TRPC1: variants seen among roughly 807,000 people sequenced by gnomAD.
TRPC1 encodes the protein short transient receptor potential channel 1.
TRPC1 carries 42 observed loss-of-function variants against 88.2 expected under a neutral mutation model. The observed-to-expected ratio is 0.48, with a 90% confidence interval of 0.37 to 0.62. TRPC1 has a LOEUF of 0.62. TRPC1 is among the 20% of genes least tolerant of loss of function. The pLI, the probability that TRPC1 is intolerant of heterozygous loss-of-function variation, is 0.00. For missense variants in TRPC1, 699 were observed against 957.3 expected (o/e 0.73, Z 3.56); for synonymous variants, 288 against 331.8 (o/e 0.87, Z 1.43).
chr3:142,738,982 A>AT lies in TRPC1; in HGVS notation c.327+2455dup, dbSNP rs201710456. 9.3e-3 allele frequency among the ~76,000 whole-genome samples: 1,421 copies of AT among 152,038 alleles called. 29 individuals are homozygous for AT. Among genetic ancestry groups the AT allele is most frequent in the African/African-American group, 0.033 (1,358 of 41,490 alleles). ...AGTTAGATATTATTTTATTATTATT[A>AT]TTTTTTGAGATGGAGTTTCGCTCTT... On this transcript the variant is annotated intron_variant, in intron 2 of 12. Transcript: ENST00000476941.
In TRPC1 at chr3:142,807,157, T is replaced by A. The variant is rs1171603484; in HGVS notation, c.*922T>A. On this transcript the variant is annotated 3_prime_UTR_variant, in exon 13 of 13. Coordinates refer to ENST00000476941, the MANE Select transcript of TRPC1 (RefSeq NM_001251845.2). ...GGAGACACTTTTTTATCACATGTAG[T>A]CACAACCTGTTTTGTTTTTGTAAAA... The A allele has an allele frequency of 6.6e-6, 1 of 152,142 alleles. No homozygotes were observed. Among genetic ancestry groups the A allele is most frequent in the Non-Finnish European group, 1.5e-5 (1 of 68,008 alleles). The allele number at this position is 152,142 out of a possible 1,614,324, so 9.4% of individuals were successfully genotyped here. A position where few individuals can be genotyped will look rare whatever the true frequency, so the allele number is the denominator to read the frequency against.
At chr3:142,787,586 T>A (rs1254039591) in intron 7 of TRPC1, among the ~76,000 whole-genome samples, 1 of 152,214 alleles carries the variant, frequency 6.6e-6, no homozygotes, top group East Asian at 1.9e-4. Flanking sequence ...ATGGCTATTA[T>A]AGAAATGTAT....
intron 7 of TRPC1, among the ~76,000 whole-genome samples, chr3:142,786,321 A>G (rs1343799232): frequency 1.3e-5 from 2 of 152,128 alleles, no homozygotes; most frequent in Admixed American, 6.5e-5. Flanking sequence ...TTATTTCACA[A>G]TGTTCAATTT....
At chr3:142,773,472 T>C (rs1422909377) in intron 4 of TRPC1, among the ~76,000 whole-genome samples, 2 of 151,786 alleles carry the variant, frequency 1.3e-5, no homozygotes, top group East Asian at 3.9e-4. Context: ...CAATGTCATG[T>C]CAAATAGAGA....
chr3:142,726,124 C>G (rs1165271586), intron 1 of TRPC1, among the ~76,000 whole-genome samples: 1 of 152,094 alleles, frequency 6.6e-6, no homozygotes, highest in Non-Finnish European at 1.5e-5. Flanking sequence ...GTTCTCTTCC[C>G]TCAAAAGTTC....
intron 1 of TRPC1, among the ~76,000 whole-genome samples, chr3:142,735,934 C>T (rs1162427014): frequency 6.6e-6 from 1 of 152,034 alleles, no homozygotes; most frequent in Non-Finnish European, 1.5e-5. Context: ...CTGCTTATTA[C>T]TAGATCTCAT....
At chr3:142,770,615 A>G (rs574648903) in intron 4 of TRPC1, among the ~76,000 whole-genome samples, 1 of 152,326 alleles carries the variant, frequency 6.6e-6, no homozygotes, top group East Asian at 1.9e-4. Context: ...AATTTTTAAA[A>G]AATCTAGTCT....
chr3:142,750,840 C>G (rs1382950008), intron 4 of TRPC1, among the ~76,000 whole-genome samples: 1 of 152,182 alleles, frequency 6.6e-6, no homozygotes, highest in Non-Finnish European at 1.5e-5. Flanking sequence ...CTGCATGTCT[C>G]ACTCATAAGT....
intron 2 of TRPC1, among the ~76,000 whole-genome samples, chr3:142,739,777 A>G (rs1174628054): frequency 3.3e-5 from 5 of 152,196 alleles, no homozygotes; most frequent in Admixed American, 6.5e-5. Flanking sequence ...CTATGTCAAT[A>G]GTTTTTGTAG....
At chr3:142,802,501 C>G (rs1050597582) in intron 10 of TRPC1, among the ~76,000 whole-genome samples, 157 bp downstream of exon 10, 3 of 151,904 alleles carry the variant, frequency 2.0e-5, no homozygotes, top group African/African-American at 4.8e-5. Flanking sequence ...TCATGAATCA[C>G]TATAGTCATC....
intron 7 of TRPC1, among the ~76,000 whole-genome samples, chr3:142,786,384 AT>A (rs1936133935): frequency 6.6e-6 from 1 of 152,162 alleles, no homozygotes; most frequent in Non-Finnish European, 1.5e-5. Context: ...TTATTTGAAA[AT>A]CAGTTAATTT....
At chr3:142,730,740 C>T (rs1933870808) in intron 1 of TRPC1, among the ~76,000 whole-genome samples, 1 of 149,928 alleles carries the variant, frequency 6.7e-6, no homozygotes, top group South Asian at 2.1e-4. Flanking sequence ...TTTATTTTTT[C>T]ACATCATCAT....
intron 4 of TRPC1, among the ~76,000 whole-genome samples, chr3:142,761,952 T>C (rs1245833958): frequency 2.0e-5 from 3 of 152,134 alleles, no homozygotes; most frequent in Non-Finnish European, 4.4e-5. Flanking sequence ...TATTTGGATC[T>C]CTCTTTCTTA....
chr3:142,739,790 A>G (rs1934275502), intron 2 of TRPC1, among the ~76,000 whole-genome samples: 1 of 152,142 alleles, frequency 6.6e-6, no homozygotes. Context: ...TTTTGTAGTA[A>G]TCTACATATG....
rs1182947733 is a variant in TRPC1 at position 142,724,287 on chromosome 3, G to A, written c.-273G>A. The A allele has an allele frequency of 1.5e-5, 3 of 205,370 alleles. No homozygotes were observed. Among genetic ancestry groups the A allele is most frequent in the Admixed American group, 6.0e-5 (1 of 16,728 alleles). 12.7% of individuals were successfully genotyped at this position (205,370 alleles called of 1,614,324 possible). A position where few individuals can be genotyped will look rare whatever the true frequency, so the allele number is the denominator to read the frequency against. ...CACACTGTCGTCCCCGGACGGGCGC[G>A]GACCGGCTCGGCCGGGGCGCCGGCG... is the stretch of plus-strand genomic sequence containing the variant. On this transcript the variant is annotated 5_prime_UTR_variant, in exon 1 of 13. Transcript: ENST00000476941. The surrounding 1 kb of genome is among the most constrained non-coding windows in gnomAD (Gnocchi z 5.6).
intron 4 of TRPC1, among the ~76,000 whole-genome samples, chr3:142,764,010 ATATATAAC>A (rs1275044855): frequency 5.2e-5 from 6 of 116,012 alleles, no homozygotes; most frequent in African/African-American, 2.3e-4. Context: ...ATATATATAT[ATATATAAC>A]AAATTATTTT....
chr3:142,789,417 G>A (rs1035917195), intron 7 of TRPC1, among the ~76,000 whole-genome samples: 2 of 152,200 alleles, frequency 1.3e-5, no homozygotes, highest in Admixed American at 6.5e-5. Flanking sequence ...ATACTAAGGT[G>A]GAATTGTTAA....
rs1933611050 is a variant in TRPC1, at chr3:142,724,950, C to T, written c.172+219C>T. On this transcript the variant is annotated intron_variant, in intron 1 of 12. Transcript: ENST00000476941. The surrounding 1 kb of genome is among the most constrained non-coding windows in gnomAD (Gnocchi z 5.6). Reference sequence around the variant, plus strand: ...CTGGGGCTGCGCCCTCGGAGCGCTGCACCGTCGGGGGTGGCTCTGGCCTTG... The same window carrying T: ...CTGGGGCTGCGCCCTCGGAGCGCTGTACCGTCGGGGGTGGCTCTGGCCTTG... Among the ~76,000 whole-genome samples, 1 of 152,194 alleles carries T rather than the reference C, an allele frequency of 6.6e-6. No individual in the cohort carries two copies. Among genetic ancestry groups the T allele is most frequent in the Non-Finnish European group, 1.5e-5 (1 of 68,040 alleles).
chr3:142,744,788 A>T (rs1474269952), intron 3 of TRPC1, among the ~76,000 whole-genome samples: 1 of 152,146 alleles, frequency 6.6e-6, no homozygotes, highest in Non-Finnish European at 1.5e-5. Flanking sequence ...AATTAGGAGG[A>T]TAGTCACTAC....
Sources: allele counts gnomAD v4.1 joint callset (sites outside exome capture counted in the v4.1 genomes callset), GRCh38; gene constraint gnomAD v4.1.1; non-coding constraint Gnocchi (gnomAD v3.1); transcripts MANE v1.5; gene names NCBI Gene and HGNC (gene_info 2026-07-23, HGNC 2026-07-21).